HAPLN1: variants seen among roughly 807,000 people sequenced by gnomAD.
HAPLN1 encodes hyaluronan and proteoglycan link protein 1.
HAPLN1 carries 13 observed loss-of-function variants against 36.5 expected under a neutral mutation model. The observed-to-expected ratio is 0.36, with a 90% CI of 0.23 to 0.57. The LOEUF (loss-of-function observed/expected upper bound fraction) is 0.57. Among genes scored for constraint, HAPLN1 ranks in the 20% least tolerant of loss-of-function variants. HAPLN1 has a pLI of 0.83. For synonymous variants in HAPLN1, 202 were observed against 169.8 expected (o/e 1.19, Z -1.48); for missense variants, 407 against 439.7 (o/e 0.93, Z 0.66).
intron 1 of HAPLN1, among the ~76,000 whole-genome samples, chr5:83,706,474 A>C (rs1030672113): frequency 6.6e-6 from 1 of 152,250 alleles, no homozygotes; most frequent in Non-Finnish European, 1.5e-5. Flanking sequence ...AACTAAAGAC[A>C]AAACCCACAT....
chr5:83,645,658 A>G (rs1046296094), intron 3 of HAPLN1, among the ~76,000 whole-genome samples: 5 of 151,652 alleles, frequency 3.3e-5, no homozygotes, highest in African/African-American at 1.2e-4. Context: ...GATTAATAAG[A>G]CAGATCTGTA....
intron 1 of HAPLN1, among the ~76,000 whole-genome samples, chr5:83,718,844 A>C (rs1321713938): frequency 6.6e-6 from 1 of 152,140 alleles, no homozygotes. Context: ...GAAAACTAGT[A>C]TTTTCTAAGG....
At chr5:83,698,206 C>T (rs1751435612) in intron 1 of HAPLN1, among the ~76,000 whole-genome samples, 1 of 151,860 alleles carries the variant, frequency 6.6e-6, no homozygotes, top group African/African-American at 2.4e-5. Flanking sequence ...GAGGTAGAGT[C>T]CAACTTCATT....
intron 2 of HAPLN1, among the ~76,000 whole-genome samples, chr5:83,658,672 C>A (rs1010201936): frequency 6.6e-6 from 1 of 152,118 alleles, no homozygotes; most frequent in African/African-American, 2.4e-5. Context: ...AATCTAATTT[C>A]TCCTGAAACT....
chr5:83,709,388 C>A lies in HAPLN1; in HGVS notation c.-27+11401G>T, dbSNP rs768184918. ...TCTGAAAAGCCTAATATTTACATCT[C>A]CTATTGGTCTATTTCTATTTTCTGT... is the stretch of plus-strand genomic sequence containing the variant. On this transcript the variant is annotated intron_variant, in intron 1 of 4. Transcript: ENST00000274341. Among the ~76,000 whole-genome samples the A allele has an allele frequency of 6.4e-4, 98 of 152,238 alleles. 1 individual carries two copies. The Middle Eastern group carries it at 0.014, about 21-fold the overall frequency.
At position 83,720,812 on chromosome 5, in the gene HAPLN1, G is replaced by C. The variant is rs1752001078; in HGVS notation, c.-50C>G. 1 of 152,180 alleles carries C rather than the reference G, an allele frequency of 6.6e-6. No individual in the cohort carries two copies. Among genetic ancestry groups the C allele is most frequent in the African/African-American group, 2.4e-5 (1 of 41,438 alleles). 9.4% of individuals were successfully genotyped at this position (152,180 alleles called of 1,614,324 possible). A position where few individuals can be genotyped will look rare whatever the true frequency, so the allele number is the denominator to read the frequency against. Reference sequence around the variant, plus strand: ...ACCTTGTCCTGAAATCCAGGAGTTCGGATGCTCTCAAGTTCTGCTTAAGTT... The same window carrying C: ...ACCTTGTCCTGAAATCCAGGAGTTCCGATGCTCTCAAGTTCTGCTTAAGTT... On this transcript the variant is annotated 5_prime_UTR_variant, in exon 1 of 5. Transcript: ENST00000274341.
intron 2 of HAPLN1, among the ~76,000 whole-genome samples, chr5:83,666,480 G>A (rs918634800): frequency 6.6e-6 from 1 of 151,960 alleles, no homozygotes; most frequent in African/African-American, 2.4e-5. Context: ...TGTTTAGTAT[G>A]GATTTGTTAC....
intron 1 of HAPLN1, among the ~76,000 whole-genome samples, chr5:83,699,075 T>C (rs891751184): frequency 1.3e-5 from 2 of 152,200 alleles, no homozygotes; most frequent in Non-Finnish European, 2.9e-5. Context: ...AATTCACTGT[T>C]GTGTATAAAT....
chr5:83,701,515 C>T (rs934241417), intron 1 of HAPLN1, among the ~76,000 whole-genome samples: 2 of 152,218 alleles, frequency 1.3e-5, no homozygotes, highest in Non-Finnish European at 2.9e-5. Flanking sequence ...CCTTTGATCT[C>T]TACAGTTTCA....
intron 3 of HAPLN1, among the ~76,000 whole-genome samples, chr5:83,646,353 C>A (rs1421838662): frequency 6.6e-6 from 1 of 152,180 alleles, no homozygotes; most frequent in East Asian, 1.9e-4. Context: ...TGAGTTATAG[C>A]ACATGTGCTA....
chr5:83,718,310 G>A (rs1005337041), intron 1 of HAPLN1, among the ~76,000 whole-genome samples: 1 of 152,186 alleles, frequency 6.6e-6, no homozygotes, highest in Non-Finnish European at 1.5e-5. Context: ...TGTCTGGCGT[G>A]TAGTTAATGT....
At chr5:83,693,861 G>A (rs1487145286) in intron 1 of HAPLN1, among the ~76,000 whole-genome samples, 1 of 151,796 alleles carries the variant, frequency 6.6e-6, no homozygotes, top group Non-Finnish European at 1.5e-5. Context: ...TAAAATATTA[G>A]AGCATCCCTT....
intron 1 of HAPLN1, among the ~76,000 whole-genome samples, chr5:83,676,171 C>G (rs1005472175): frequency 4.7e-5 from 5 of 105,320 alleles, no homozygotes; most frequent in African/African-American, 2.0e-4. Flanking sequence ...GATATGCACA[C>G]ATACACAGAG....
chr5:83,708,037 G>C (rs190966372), intron 1 of HAPLN1, among the ~76,000 whole-genome samples: 1 of 152,220 alleles, frequency 6.6e-6, no homozygotes, highest in Non-Finnish European at 1.5e-5. Context: ...AGTCAGAATG[G>C]CTATAATTAA....
intron 2 of HAPLN1, among the ~76,000 whole-genome samples, chr5:83,665,728 A>T (rs185509284): frequency 1.9e-4 from 29 of 152,320 alleles, no homozygotes; most frequent in African/African-American, 7.0e-4. Flanking sequence ...TTTTGAGTCA[A>T]CAGTGTTTGG....
At chr5:83,659,055 C>T (rs1409782949) in intron 2 of HAPLN1, among the ~76,000 whole-genome samples, 2 of 152,068 alleles carry the variant, frequency 1.3e-5, no homozygotes, top group Non-Finnish European at 2.9e-5. Flanking sequence ...AGGTGGATCA[C>T]CTGAGGTCAG....
At chr5:83,662,472 T>A (rs1420009786) in intron 2 of HAPLN1, among the ~76,000 whole-genome samples, 1 of 152,210 alleles carries the variant, frequency 6.6e-6, no homozygotes, top group Non-Finnish European at 1.5e-5. Flanking sequence ...ATAACTAGCA[T>A]TTAATGCTTA....
In HAPLN1 at chr5:83,657,097, C is replaced by CT. The variant is rs1238077382; in HGVS notation, c.101-4274dup. 9.8e-4 allele frequency among the ~76,000 whole-genome samples: 136 copies of CT among 138,456 alleles called. 1 individual carries two copies. Among genetic ancestry groups the CT allele is most frequent in the South Asian group, 5.6e-3 (24 of 4,288 alleles). The allele number at this position is 138,456 out of a possible 152,430, so 90.8% of individuals were successfully genotyped here. ...AAAGTTTGTGTGTGTTTTTGGTTTT[C>CT]TTTTTTTTTTTTTTTAAGACAGAGT... On this transcript the variant is annotated intron_variant, in intron 2 of 4. Transcript: ENST00000274341.
chr5:83,664,208 C>T (rs1354071994), intron 2 of HAPLN1, among the ~76,000 whole-genome samples: 1 of 151,594 alleles, frequency 6.6e-6, no homozygotes, highest in Non-Finnish European at 1.5e-5. Flanking sequence ...TCTACTTTTT[C>T]TCCCTGGAAT....
Sources: gnomAD v4.1 joint callset for allele counts (sites outside exome capture counted in the v4.1 genomes callset) on GRCh38, gnomAD v4.1.1 for gene constraint, MANE v1.5 for transcripts, NCBI Gene and HGNC (gene_info 2026-07-23, HGNC 2026-07-21) for gene names.